The following NEK11 variants were observed in gnomAD, a reference collection of about 807,000 sequenced individuals.
NEK11 encodes serine/threonine-protein kinase Nek11.
A neutral mutation model predicts 80.7 loss-of-function variants in NEK11; 72 were observed. The ratio of observed to expected loss-of-function variants is 0.89; its 90% CI spans 0.74 to 1.08. NEK11 has a LOEUF of 1.08. Ranked by LOEUF, NEK11 falls within the 50% of genes least tolerant of loss-of-function variation. NEK11 has a pLI of 0.00. For missense variants in NEK11, 764 were observed against 763.6 expected (o/e 1.00, Z -0.01); for synonymous variants, 251 against 260.7 (o/e 0.96, Z 0.36).
intron 4 of NEK11, among the ~76,000 whole-genome samples, chr3:131,088,643 C>T (rs926382163): frequency 1.3e-4 from 20 of 151,968 alleles, no homozygotes; most frequent in Non-Finnish European, 2.9e-5. Context: ...TTCATATCAC[C>T]TAAGAATAAG....
intron 7 of NEK11, among the ~76,000 whole-genome samples, chr3:131,145,707 TAGAG>T (rs1364492816): frequency 1.3e-5 from 2 of 152,142 alleles, no homozygotes; most frequent in East Asian, 1.9e-4. Context: ...CAGGATAGCA[TAGAG>T]AGTCTGTGTC....
At chr3:131,342,726 A>G (rs2097304935) in intron 17 of NEK11, among the ~76,000 whole-genome samples, 1 of 151,814 alleles carries the variant, frequency 6.6e-6, no homozygotes, top group Non-Finnish European at 1.5e-5. Context: ...ACCTAGCATG[A>G]TAAGAGGTGT....
intron 3 of NEK11, among the ~76,000 whole-genome samples, chr3:131,062,849 C>T (rs1022522397): frequency 1.3e-5 from 2 of 152,150 alleles, no homozygotes; most frequent in Admixed American, 1.3e-4. Flanking sequence ...CAGGCTCCAA[C>T]CGATCCCCAC....
chr3:131,048,935 T>C (rs540918493), intron 3 of NEK11, among the ~76,000 whole-genome samples: 87 of 152,278 alleles, frequency 5.7e-4, no homozygotes, highest in Non-Finnish European at 9.0e-4. Context: ...GCTCTTGCAT[T>C]GAGACGCTGG....
chr3:131,176,144 C>T (rs1055347809), intron 14 of NEK11, among the ~76,000 whole-genome samples: 2 of 152,058 alleles, frequency 1.3e-5, no homozygotes, highest in African/African-American at 4.8e-5. Flanking sequence ...TAGCAGAGAG[C>T]CCTACCAGCA....
intron 4 of NEK11, among the ~76,000 whole-genome samples, chr3:131,102,923 G>C (rs767810390): frequency 1.6e-4 from 24 of 152,006 alleles, no homozygotes; most frequent in Non-Finnish European, 2.6e-4. Flanking sequence ...ACTGGTCTTT[G>C]AGCTCTGAGA....
intron 5 of NEK11, among the ~76,000 whole-genome samples, chr3:131,119,729 C>T (rs186371746): frequency 6.6e-6 from 1 of 152,246 alleles, no homozygotes; most frequent in East Asian, 1.9e-4. Flanking sequence ...ATGTAATGGC[C>T]TTCTTTGTCT....
chr3:131,039,803 C>T (rs2066188872), intron 3 of NEK11, among the ~76,000 whole-genome samples: 1 of 152,026 alleles, frequency 6.6e-6, no homozygotes, highest in African/African-American at 2.4e-5. Context: ...ACTGATTTTC[C>T]TGGGGAAAAA....
At chr3:131,078,150 T>C (rs747405913) in intron 3 of NEK11, among the ~76,000 whole-genome samples, 17 of 152,144 alleles carry the variant, frequency 1.1e-4, no homozygotes, top group Non-Finnish European at 2.1e-4. Flanking sequence ...CTGTTGGTTG[T>C]CTTTTGGGAA....
intron 17 of NEK11, among the ~76,000 whole-genome samples, chr3:131,278,954 A>G (rs1047492415): frequency 1.5e-4 from 23 of 152,192 alleles, no homozygotes; most frequent in African/African-American, 5.5e-4. Flanking sequence ...ATTCATATAC[A>G]CATTAAAGTT....
chr3:131,202,295 A>G (rs2094266399), intron 14 of NEK11, among the ~76,000 whole-genome samples: 1 of 152,142 alleles, frequency 6.6e-6, no homozygotes, highest in African/African-American at 2.4e-5. Context: ...GCAGGGCATC[A>G]CCACACCTGG....
intron 17 of NEK11, among the ~76,000 whole-genome samples, chr3:131,326,982 C>G (rs2096978222): frequency 6.6e-6 from 1 of 152,154 alleles, no homozygotes; most frequent in African/African-American, 2.4e-5. Context: ...TTCTTCCCCT[C>G]CAGAGGACAC....
intron 3 of NEK11, among the ~76,000 whole-genome samples, chr3:131,047,890 C>CATT (rs1300827335): frequency 6.6e-6 from 1 of 152,072 alleles, no homozygotes; most frequent in Non-Finnish European, 1.5e-5. Flanking sequence ...AGAGAAAGAC[C>CATT]ATTAGGTTGG....
At chr3:131,034,761 G>A (rs915673314) in intron 3 of NEK11, among the ~76,000 whole-genome samples, 4 of 152,210 alleles carry the variant, frequency 2.6e-5, no homozygotes, top group Non-Finnish European at 1.5e-5. Context: ...ATAAGGCCTA[G>A]CCTTCAGGTG....
chr3:131,205,719 G>C (rs1323690485), intron 14 of NEK11, among the ~76,000 whole-genome samples: 3 of 152,152 alleles, frequency 2.0e-5, no homozygotes, highest in African/African-American at 7.2e-5. Context: ...AGAGCTCTGG[G>C]GGATTAAGCC....
chr3:131,266,911 T>G, intron 16 of NEK11, among the ~76,000 whole-genome samples: 1 of 152,242 alleles, frequency 6.6e-6, no homozygotes, highest in East Asian at 1.9e-4. Context: ...AGTTAGCTGT[T>G]CTTGTTGCAT....
Position 131,349,575 on chromosome 3 carries a change from G to A in NEK11, c.1737G>A (p.Leu579=). The change falls in exon 18 of 18, where the codon CTG becomes CTA. Residue 579 remains leucine (L), a synonymous_variant. Coordinates refer to ENST00000383366, the MANE Select transcript of NEK11 (RefSeq NM_024800.5). ...TTGACAGATCAGCCATGCAGAAGCT[G>A]GGGACAGAAGTATTTGAAGAGGTCT... ...KRMRESAMQK[L]GTEVFEEVYN... 6.2e-7 allele frequency: 1 copy of A among 1,613,900 alleles called. No individual in the cohort carries two copies.
chr3:131,332,550 A>C (rs1185639127), intron 17 of NEK11, among the ~76,000 whole-genome samples: 2 of 152,228 alleles, frequency 1.3e-5, no homozygotes, highest in African/African-American at 2.4e-5. Context: ...AACTCTAAAA[A>C]ACAGAGCGCC....
At chr3:131,139,353 G>GA (rs71622003) in intron 7 of NEK11, among the ~76,000 whole-genome samples, 55,485 of 107,548 alleles carry the variant, frequency 0.52, 13,012 homozygotes, top group Middle Eastern at 0.65. Flanking sequence ...AGAGAAAAAA[G>GA]AAAAAAAAAA....
Sources: gnomAD v4.1 joint callset for allele counts (sites outside exome capture counted in the v4.1 genomes callset) on GRCh38, gnomAD v4.1.1 for gene constraint, MANE v1.5 for transcripts, NCBI Gene and HGNC (gene_info 2026-07-23, HGNC 2026-07-21) for gene names.